AASS: variants seen among roughly 807,000 people sequenced by gnomAD.
AASS encodes the protein aminoadipate-semialdehyde synthase.
AASS carries 86 observed loss-of-function variants against 105.4 expected under a neutral mutation model. The observed-to-expected ratio is 0.82, with a 90% CI of 0.69 to 0.98. The LOEUF is 0.98. AASS is among the 50% of genes least tolerant of loss of function. The probability of loss-of-function intolerance (pLI) is 0.00; values close to 1 mark genes in which losing one functional copy is unlikely to be tolerated. For synonymous variants in AASS, 381 were observed against 394.8 expected, an observed-to-expected ratio of 0.96 and a Z score of 0.41; for missense variants, 1,048 against 1,143.2, an observed-to-expected ratio of 0.92 and a Z score of 1.20.
intron 19 of AASS, among the ~76,000 whole-genome samples, chr7:122,084,929 T>C (rs899501556): frequency 6.6e-6 from 1 of 152,124 alleles, no homozygotes; most frequent in African/African-American, 2.4e-5. Context: ...ATTTTAGGTA[T>C]GCTGGTTACA....
intron 11 of AASS, among the ~76,000 whole-genome samples, chr7:122,106,098 A>C (rs1199813590): frequency 1.3e-5 from 2 of 152,036 alleles, no homozygotes; most frequent in Non-Finnish European, 2.9e-5. Flanking sequence ...ATTGTTTATC[A>C]GCTTAATTTT....
intron 9 of AASS, 77 bp downstream of exon 9, chr7:122,114,997 T>G: frequency 1.3e-6 from 2 of 1,597,172 alleles, no homozygotes; most frequent in South Asian, 2.2e-5. Flanking sequence ...TCAAGTCCTC[T>G]GATATGTGAT....
chr7:122,107,846 T>G (rs1332052284), intron 11 of AASS, among the ~76,000 whole-genome samples: 1 of 151,558 alleles, frequency 6.6e-6, no homozygotes, highest in African/African-American at 2.4e-5. Context: ...GTGACACAAG[T>G]TTACCTATAG....
At chr7:122,079,312 G>C (rs2150507088) in intron 21 of AASS, 1 of 1,353,596 alleles carries the variant, frequency 7.4e-7, no homozygotes, top group Admixed American at 3.1e-5. Context: ...AATATTCTAT[G>C]ACTACTCCAA....
At chr7:122,125,842 T>G (rs567063469) in intron 4 of AASS, among the ~76,000 whole-genome samples, 1 of 152,364 alleles carries the variant, frequency 6.6e-6, no homozygotes, top group Non-Finnish European at 1.5e-5. Flanking sequence ...GAGGAACCTC[T>G]ACTTTTATTT....
intron 4 of AASS, among the ~76,000 whole-genome samples, chr7:122,123,925 A>G (rs1795541185): frequency 2.0e-5 from 3 of 152,208 alleles, no homozygotes; most frequent in Non-Finnish European, 4.4e-5. Flanking sequence ...GTACTGAAAG[A>G]ACTGAATCAC....
At chr7:122,083,823 C>T (rs1203591321) in intron 19 of AASS, among the ~76,000 whole-genome samples, 3 of 151,970 alleles carry the variant, frequency 2.0e-5, no homozygotes, top group Non-Finnish European at 2.9e-5. Context: ...GTCAAGGCCT[C>T]TCTGTCATAT....
At chr7:122,114,209 A>T (rs1046949039) in intron 9 of AASS, among the ~76,000 whole-genome samples, 2 of 152,186 alleles carry the variant, frequency 1.3e-5, no homozygotes, top group East Asian at 3.9e-4. Context: ...ACATGAACCA[A>T]TGTAGAGCTA....
At position 122,098,551 on chromosome 7, in the gene AASS, T is replaced by G. The variant is rs142898814; in HGVS notation, c.1554A>C (p.Glu518Asp). ...TAATATTATATTTCTTGCCTAACTGTTCAATTTGATTCTTCATGTCAGATC... is the reference window on the plus strand; with the variant it reads ...TAATATTATATTTCTTGCCTAACTGGTCAATTTGATTCTTCATGTCAGATC... ...TVGSDMKNQI[E>D]QLGKKYNINP... Residue 518 changes from glutamate (E) to aspartate (D), a missense_variant, in exon 15 of 24, where the codon GAA becomes GAC. Coordinates refer to ENST00000417368, the MANE Select transcript of AASS (RefSeq NM_005763.4). 107 of 1,609,776 alleles carry G rather than the reference T, an allele frequency of 6.6e-5. No individual in the cohort carries two copies. The African/African-American group carries it at 1.1e-3, about 17-fold the overall frequency.
chr7:122,135,208 G>A (rs1411562329), intron 1 of AASS, among the ~76,000 whole-genome samples: 1 of 151,240 alleles, frequency 6.6e-6, no homozygotes, highest in Non-Finnish European at 1.5e-5. Context: ...CACCAACATG[G>A]CACATGTATA....
chr7:122,101,274 C>T, intron 13 of AASS, 97 bp downstream of exon 13: 2 of 991,152 alleles, frequency 2.0e-6, no homozygotes, highest in Non-Finnish European at 3.2e-6. Context: ...AGTGTACAAA[C>T]CTAATATTAA....
chr7:122,095,993 G>A (rs1794137629), intron 15 of AASS, among the ~76,000 whole-genome samples: 1 of 152,002 alleles, frequency 6.6e-6, no homozygotes, highest in African/African-American at 2.4e-5. Context: ...TTTGCCTGTG[G>A]TACTTTTTTA....
intron 15 of AASS, among the ~76,000 whole-genome samples, chr7:122,094,304 G>A (rs1223440076): frequency 1.3e-5 from 2 of 151,988 alleles, no homozygotes; most frequent in African/African-American, 4.8e-5. Context: ...ATGACTCCCT[G>A]TGGGCCACAG....
intron 22 of AASS, 32 bp downstream of exon 22, chr7:122,078,830 T>G (rs1423573965): frequency 6.4e-7 from 1 of 1,574,236 alleles, no homozygotes; most frequent in East Asian, 2.2e-5. Context: ...GATTCTTCTT[T>G]AGGTATATTT....
At chr7:122,083,254 A>G (rs1352952754) in intron 19 of AASS, among the ~76,000 whole-genome samples, 1 of 152,186 alleles carries the variant, frequency 6.6e-6, no homozygotes, top group Non-Finnish European at 1.5e-5. Context: ...ATGCAAATAT[A>G]CTTCAAAGAG....
intron 19 of AASS, among the ~76,000 whole-genome samples, chr7:122,083,528 C>T (rs1169488810): frequency 6.6e-6 from 1 of 152,036 alleles, no homozygotes; most frequent in Admixed American, 6.6e-5. Context: ...CTCATCCATG[C>T]AGAAACTGCA....
intron 11 of AASS, among the ~76,000 whole-genome samples, chr7:122,102,238 C>A (rs1794465242): frequency 6.6e-6 from 1 of 151,874 alleles, no homozygotes; most frequent in Admixed American, 6.6e-5. Context: ...GTCATTCACA[C>A]CCTCTTCACA....
chr7:122,116,841 T>C (rs754230301), intron 7 of AASS, 38 bp downstream of exon 7: 2 of 1,611,856 alleles, frequency 1.2e-6, no homozygotes, highest in Non-Finnish European at 1.7e-6. Flanking sequence ...ACATAGACTG[T>C]TAAAAACATT....
At chr7:122,095,371 T>A (rs1448873270) in intron 15 of AASS, among the ~76,000 whole-genome samples, 3 of 152,160 alleles carry the variant, frequency 2.0e-5, no homozygotes, top group Non-Finnish European at 4.4e-5. Context: ...AATATGAGTG[T>A]TATAAAAATG....
Sources: gnomAD v4.1 joint callset for allele counts (sites outside exome capture counted in the v4.1 genomes callset) on GRCh38, gnomAD v4.1.1 for gene constraint, MANE v1.5 for transcripts, NCBI Gene and HGNC (gene_info 2026-07-23, HGNC 2026-07-21) for gene names.